AKT3: variants seen among roughly 807,000 people sequenced by gnomAD.
AKT3 encodes the protein RAC-gamma serine/threonine-protein kinase.
A neutral mutation model predicts 65.3 loss-of-function variants in AKT3; 15 were observed. The observed-to-expected ratio is 0.23, with a 90% CI of 0.15 to 0.35. AKT3 has a LOEUF of 0.35. AKT3 is among the 10% of genes least tolerant of loss of function. The pLI, the probability that AKT3 is intolerant of heterozygous loss-of-function variation, is 1.00. For missense variants in AKT3, 243 were observed against 576.5 expected (o/e 0.42, Z 5.92); for synonymous variants, 206 against 183.8 (o/e 1.12, Z -0.98).
chr1:243,615,417 C>A (rs568334755), intron 6 of AKT3, among the ~76,000 whole-genome samples: 1 of 152,062 alleles, frequency 6.6e-6, no homozygotes, highest in East Asian at 1.9e-4. Context: ...AATAATGATA[C>A]AAAAATCAGT....
chr1:243,761,543 T>C (rs924983343), intron 2 of AKT3, among the ~76,000 whole-genome samples: 6 of 152,158 alleles, frequency 3.9e-5, no homozygotes, highest in African/African-American at 1.4e-4. Flanking sequence ...GGAACATTAC[T>C]CAGTCTTAAA....
chr1:243,829,716 C>T (rs150235671), intron 2 of AKT3, among the ~76,000 whole-genome samples: 84 of 152,158 alleles, frequency 5.5e-4, no homozygotes, highest in African/African-American at 1.9e-3. Flanking sequence ...GCAATGGCTA[C>T]GGTATAAGAA....
At chr1:243,574,761 A>T (rs1674819170) in intron 8 of AKT3, among the ~76,000 whole-genome samples, 1 of 152,180 alleles carries the variant, frequency 6.6e-6, no homozygotes, top group Non-Finnish European at 1.5e-5. Context: ...GCCATGCAAA[A>T]TATCACTAAC....
intron 2 of AKT3, among the ~76,000 whole-genome samples, chr1:243,771,342 C>T (rs1206792321): frequency 6.6e-6 from 1 of 152,100 alleles, no homozygotes; most frequent in Non-Finnish European, 1.5e-5. Context: ...AGGGCACAGA[C>T]CATGTGTTTT....
intron 6 of AKT3, among the ~76,000 whole-genome samples, chr1:243,620,614 G>A (rs569213691): frequency 2.0e-4 from 30 of 151,864 alleles, no homozygotes; most frequent in Non-Finnish European, 3.8e-4. Context: ...TTGAGCACTG[G>A]CCCAGATAAT....
rs1036869963 is a variant in AKT3 at position 243,488,906 on chromosome 1, C to T, written c.*7-456G>A. On this transcript the variant is annotated intron_variant, in intron 13 of 13. Transcript: ENST00000336199. ...GGCACCTCAGGGTCACCCTAGGCGT[C>T]CTGCTCATGGTTCCCTATCAGGGGC... 5.4e-5 allele frequency: 84 copies of T among 1,541,622 alleles called. 1 individual carries two copies. In the South Asian group the frequency reaches 7.3e-4, roughly 13 times the overall value.
At chr1:243,646,177 A>C in intron 4 of AKT3, 140 bp from the exon 5 acceptor site, 6 of 588,146 alleles carry the variant, frequency 1.0e-5, no homozygotes, top group Non-Finnish European at 1.1e-5. Context: ...ATACACTCTC[A>C]CCATCACCCC....
intron 9 of AKT3, among the ~76,000 whole-genome samples, 170 bp downstream of exon 9, chr1:243,572,756 T>C (rs965648770): frequency 6.6e-6 from 1 of 152,208 alleles, no homozygotes; most frequent in African/African-American, 2.4e-5. Context: ...ACTACATACA[T>C]GTTAGTGAAT....
intron 10 of AKT3, among the ~76,000 whole-genome samples, chr1:243,561,459 G>C (rs1449567405): frequency 6.6e-6 from 1 of 152,070 alleles, no homozygotes; most frequent in Non-Finnish European, 1.5e-5. Context: ...ACACTAATTA[G>C]AATCTTCATT....
At chr1:243,714,246 G>A (rs1358189440) in intron 2 of AKT3, among the ~76,000 whole-genome samples, 1 of 152,150 alleles carries the variant, frequency 6.6e-6, no homozygotes, top group East Asian at 1.9e-4. Context: ...AAGATAAGTT[G>A]TGTGTAATTA....
At position 243,500,506 on chromosome 1, in the gene AKT3, AATT is replaced by A. The variant is rs1252321379; in HGVS notation, c.*4740_*4742del. On this transcript the variant is annotated 3_prime_UTR_variant, in exon 14 of 14. Coordinates refer to ENST00000673466, the MANE Select transcript of AKT3 (RefSeq NM_005465.7). ...GTATATCAAATATCTGTACACAGATAATTATTTGTCTAAAATAGTATTTCTACT... is the reference window on the plus strand; with the variant it reads ...GTATATCAAATATCTGTACACAGATAATTTGTCTAAAATAGTATTTCTACT... 4.4e-6 allele frequency: 1 copy of A among 226,538 alleles called. No homozygotes were observed. The highest frequency in any genetic ancestry group is 2.2e-5 in the African/African-American group (1 of 44,994). The allele number at this position is 226,538 out of a possible 1,614,324, so 14.0% of individuals were successfully genotyped here.
intron 2 of AKT3, among the ~76,000 whole-genome samples, chr1:243,697,940 A>C (rs953790108): frequency 6.6e-6 from 1 of 151,830 alleles, no homozygotes; most frequent in African/African-American, 2.4e-5. Context: ...TATCCTCCAC[A>C]TAAGTATGTA....
intron 1 of AKT3, among the ~76,000 whole-genome samples, chr1:243,849,035 T>A (rs1014697823): frequency 2.6e-5 from 4 of 152,172 alleles, no homozygotes; most frequent in African/African-American, 9.7e-5. Flanking sequence ...AGATTCTTTA[T>A]CTCTAGGCTA....
intron 5 of AKT3, among the ~76,000 whole-genome samples, chr1:243,641,269 T>TAC (rs957789323): frequency 6.1e-5 from 9 of 148,166 alleles, no homozygotes; most frequent in Non-Finnish European, 1.3e-4. Flanking sequence ...TATATATATA[T>TAC]ATATACACAC....
At chr1:243,672,606 C>G (rs557001144) in intron 3 of AKT3, among the ~76,000 whole-genome samples, 6 of 152,302 alleles carry the variant, frequency 3.9e-5, no homozygotes, top group African/African-American at 1.4e-4. Context: ...CATCCACATT[C>G]CAAATTGTGA....
At chr1:243,720,598 C>T (rs1686826862) in intron 2 of AKT3, among the ~76,000 whole-genome samples, 1 of 151,746 alleles carries the variant, frequency 6.6e-6, no homozygotes, top group African/African-American at 2.4e-5. Context: ...CTGCTCTGGT[C>T]TAAAAGATGT....
rs1558726603 is a variant in AKT3, at chr1:243,693,293, T to TAA, written c.172+2296_172+2297dup. 5.2e-5 allele frequency among the ~76,000 whole-genome samples: 6 copies of TAA among 114,834 alleles called. 1 individual carries two copies. The highest frequency in any genetic ancestry group is 2.8e-4 in the East Asian group (1 of 3,590). 75.3% of individuals were successfully genotyped at this position (114,834 alleles called of 152,430 possible). On this transcript the variant is annotated intron_variant, in intron 3 of 13. Transcript: ENST00000673466. ...ATATATATATATATATATATATATA[T>TAA]AACATTTCCCAACATACCTTAGAAA...
At chr1:243,692,456 G>A (rs1288998679) in intron 3 of AKT3, among the ~76,000 whole-genome samples, 1 of 152,090 alleles carries the variant, frequency 6.6e-6, no homozygotes, top group African/African-American at 2.4e-5. Flanking sequence ...AGTTTGGCCA[G>A]GCATGGTGGC....
chr1:243,527,876 C>G, intron 12 of AKT3, among the ~76,000 whole-genome samples: 1 of 43,726 alleles, frequency 2.3e-5, no homozygotes, highest in African/African-American at 1.3e-4. Context: ...TTAAAACACA[C>G]ACACACACAC....
Sources: gnomAD v4.1 joint callset for allele counts (sites outside exome capture counted in the v4.1 genomes callset) on GRCh38, gnomAD v4.1.1 for gene constraint, MANE v1.5 for transcripts, NCBI Gene and HGNC (gene_info 2026-07-23, HGNC 2026-07-21) for gene names.